TRPM6: variants seen among roughly 807,000 people sequenced by gnomAD.
The protein encoded by TRPM6 is channel kinase 2.
A neutral mutation model predicts 247.6 loss-of-function variants in TRPM6; 111 were observed. That is an observed-to-expected ratio of 0.45 (90% CI 0.38 to 0.52). The LOEUF is 0.52. TRPM6 is among the 20% of genes least tolerant of loss of function. The probability of loss-of-function intolerance (pLI) is 0.00; values close to 1 mark genes in which losing one functional copy is unlikely to be tolerated. For missense variants in TRPM6, 2,126 were observed against 2,421.5 expected, an observed-to-expected ratio of 0.88 and a Z score of 2.56; for synonymous variants, 892 against 853.8, an observed-to-expected ratio of 1.04 and a Z score of -0.78.
At chr9:74,747,771 T>C in intron 31 of TRPM6, 118 bp downstream of exon 31, 1 of 887,268 alleles carries the variant, frequency 1.1e-6, no homozygotes, top group Admixed American at 2.2e-5. Context: ...CTACATTGCA[T>C]GATGGACAAA....
At chr9:74,747,205 G>A (rs1200328106) in intron 31 of TRPM6, among the ~76,000 whole-genome samples, 2 of 152,178 alleles carry the variant, frequency 1.3e-5, no homozygotes, top group African/African-American at 2.4e-5. Context: ...TGAAGGGTTG[G>A]AGTGGTAGCT....
intron 28 of TRPM6, among the ~76,000 whole-genome samples, chr9:74,753,045 G>A (rs755580065): frequency 2.0e-5 from 3 of 149,524 alleles, no homozygotes; most frequent in Non-Finnish European, 1.5e-5. Flanking sequence ...CCCCGAAGGC[G>A]GAGGTTGCAG....
At chr9:74,837,817 A>T (rs1389731465) in intron 5 of TRPM6, among the ~76,000 whole-genome samples, 4 of 146,988 alleles carry the variant, frequency 2.7e-5, no homozygotes, top group Non-Finnish European at 6.0e-5. Context: ...TGACATGATC[A>T]TAGCTCACTG....
At position 74,839,855 on chromosome 9, in the gene TRPM6, GAGGAAGGA is replaced by G. The variant is rs527635762; in HGVS notation, c.544+161_544+168del. 7.3e-3 allele frequency among the ~76,000 whole-genome samples: 527 copies of G among 72,540 alleles called. 3 individuals are homozygous for G. Among genetic ancestry groups the G allele is most frequent in the Non-Finnish European group, 0.01 (429 of 41,196 alleles). The allele number at this position is 72,540 out of a possible 152,430, so 47.6% of individuals were successfully genotyped here. A position where few individuals can be genotyped will look rare whatever the true frequency, so the allele number is the denominator to read the frequency against. On this transcript the variant is annotated intron_variant, in intron 5 of 38. Transcript: ENST00000360774. ...AGAAAAAAGAAAAAGAGAAGAGAGA[GAGGAAGGA>G]AGGAAGGAAGGAAGGAAGGAAGGAA...
rs202063887 is a variant in TRPM6 at position 74,724,086 on chromosome 9, C to T, written c.*527G>A. 10 of 170,544 alleles carry T rather than the reference C, an allele frequency of 5.9e-5. No individual in the cohort carries two copies. The East Asian group carries it at 1.5e-3, about 26-fold the overall frequency. The allele number at this position is 170,544 out of a possible 1,614,324, so 10.6% of individuals were successfully genotyped here. ...ATGTGCTCCAATCTGTGCAAACCCA[C>T]CCTTGTTCCATTGTTTTTCCTATCA... is the stretch of plus-strand genomic sequence containing the variant. On this transcript the variant is annotated 3_prime_UTR_variant, in exon 39 of 39. Transcript: ENST00000360774.
In TRPM6 at chr9:74,842,214, AG is replaced by A; in HGVS notation, c.281del (p.Thr94IlefsTer33). On this transcript the variant is annotated frameshift_variant, in exon 4 of 39. Coordinates refer to ENST00000360774, the MANE Select transcript of TRPM6 (RefSeq NM_017662.5). LOFTEE classifies it high-confidence loss of function. ...CATCTTGGAAATTAATCGTGCCAAA[AG>A]TATCTGTTGGGCTTTTCGTTGTGTG... ...EKHTTKSPTD[T>X]FGTINFQDGE... The A allele has an allele frequency of 6.2e-7, 1 of 1,614,162 alleles. No homozygotes were observed. Among genetic ancestry groups the A allele is most frequent in the East Asian group, 2.2e-5 (1 of 44,882 alleles).
intron 17 of TRPM6, among the ~76,000 whole-genome samples, chr9:74,798,880 T>C (rs763711936): frequency 6.6e-6 from 1 of 152,208 alleles, no homozygotes; most frequent in Non-Finnish European, 1.5e-5. Context: ...GTATGAAGTA[T>C]ATGAAGAACA....
At chr9:74,781,835 A>G (rs1006257404) in intron 23 of TRPM6, among the ~76,000 whole-genome samples, 3 of 152,208 alleles carry the variant, frequency 2.0e-5, no homozygotes, top group African/African-American at 7.2e-5. Flanking sequence ...TCAGTTCTCC[A>G]TATCTGCGGG....
chr9:74,824,763 G>C (rs1297002676), intron 7 of TRPM6, among the ~76,000 whole-genome samples: 1 of 152,140 alleles, frequency 6.6e-6, no homozygotes, highest in Non-Finnish European at 1.5e-5. Context: ...AGAGGCATCA[G>C]AGCCTATGTT....
chr9:74,724,621 G>A lies in TRPM6; in HGVS notation c.6061C>T (p.Gln2021Ter), dbSNP rs1390362404. Residue 2021 changes from glutamine (Q) to a stop codon, truncating the protein, a stop_gained, in exon 39 of 39, where the codon CAA becomes TAA. Transcript: ENST00000360774. LOFTEE classifies it high-confidence loss of function. ...TGRNSPEDDM[Q>*]L ...TTCTTGCTCCTCCCTTTTTATAGTT[G>A]CATATCATCTTCTGGGGAATTTCTA... 11 of 1,614,144 alleles carry A rather than the reference G, an allele frequency of 6.8e-6. No homozygotes were observed. Among genetic ancestry groups the A allele is most frequent in the Middle Eastern group, 3.3e-4 (2 of 6,050 alleles).
At chr9:74,863,585 A>T (rs1830752303) in intron 1 of TRPM6, among the ~76,000 whole-genome samples, 1 of 151,610 alleles carries the variant, frequency 6.6e-6, no homozygotes, top group Non-Finnish European at 1.5e-5. Context: ...TCTTCAAAAA[A>T]GTGACTTTTT....
intron 23 of TRPM6, among the ~76,000 whole-genome samples, chr9:74,776,524 G>A (rs1020515528): frequency 1.3e-5 from 2 of 152,162 alleles, no homozygotes; most frequent in African/African-American, 2.4e-5. Flanking sequence ...TATGCAAACA[G>A]TACAGTGTTA....
intron 3 of TRPM6, among the ~76,000 whole-genome samples, chr9:74,850,210 A>G (rs146718365): frequency 0.025 from 3,824 of 151,892 alleles, 144 homozygotes; most frequent in African/African-American, 0.084. Flanking sequence ...CATCTCTACT[A>G]AAAATACAAA....
intron 24 of TRPM6, among the ~76,000 whole-genome samples, chr9:74,774,889 G>C (rs994031401): frequency 6.6e-6 from 1 of 152,178 alleles, no homozygotes; most frequent in Non-Finnish European, 1.5e-5. Context: ...GGCCAAATGA[G>C]TCTTTCCCCA....
At chr9:74,857,976 A>G (rs1830578275) in intron 2 of TRPM6, among the ~76,000 whole-genome samples, 1 of 152,218 alleles carries the variant, frequency 6.6e-6, no homozygotes, top group African/African-American at 2.4e-5. Context: ...GTAACACTAG[A>G]TATTTCTGTA....
chr9:74,732,077 T>A (rs146563978), intron 37 of TRPM6, among the ~76,000 whole-genome samples: 19 of 152,312 alleles, frequency 1.2e-4, no homozygotes, highest in African/African-American at 4.1e-4. Context: ...CTGCCAAGTC[T>A]TCCCAAAAAC....
intron 5 of TRPM6, among the ~76,000 whole-genome samples, chr9:74,837,401 G>C (rs960605267): frequency 6.6e-6 from 1 of 152,162 alleles, no homozygotes. Flanking sequence ...AGGCCATAGA[G>C]GAGCTGTGGT....
At position 74,732,720 on chromosome 9, in the gene TRPM6, C is replaced by A. The variant is rs1301236496; in HGVS notation, c.5793G>T (p.Leu1931Phe). Residue 1931 changes from leucine to phenylalanine, a missense_variant, in exon 37 of 39, where the codon TTG becomes TTT. Leu to Phe is a conservative substitution (Grantham distance 22, BLOSUM62 0). Around this residue, in one of 3 missense-constraint regions of TRPM6, gnomAD observed 327 missense variants for 397.7 expected, o/e 0.82. Coordinates refer to ENST00000360774, the MANE Select transcript of TRPM6 (RefSeq NM_017662.5). ...CAGGTTTTATAACAGATGGATCTGT[C>A]AAATTTTCTCCAACACCTCAAAAGA... is the stretch of plus-strand genomic sequence containing the variant. The part of the protein sequence containing the change: ...VLDLQGVGEN[L>F]TDPSVIKPEV... The A allele has an allele frequency of 6.8e-6, 11 of 1,609,168 alleles. No homozygotes were observed. Among genetic ancestry groups the A allele is most frequent in the African/African-American group, 1.3e-5 (1 of 74,846 alleles).
intron 13 of TRPM6, 82 bp from the exon 14 acceptor site, chr9:74,808,256 A>G (rs1828602921): frequency 6.4e-7 from 1 of 1,557,910 alleles, no homozygotes; most frequent in Admixed American, 1.7e-5. Context: ...ACATAATCAA[A>G]TTAATTGCAA....
Sources: allele counts gnomAD v4.1 joint callset (sites outside exome capture counted in the v4.1 genomes callset), GRCh38; gene constraint gnomAD v4.1.1; regional missense constraint gnomAD v4.1.1; transcripts MANE v1.5; gene names NCBI Gene and HGNC (gene_info 2026-07-23, HGNC 2026-07-21).